DAB1: variants seen among roughly 807,000 people sequenced by gnomAD.
DAB1 encodes disabled homolog 1.
Under a neutral mutation model 64.6 loss-of-function variants are expected in DAB1, and 15 were observed. The observed-to-expected ratio is 0.23, with a 90% confidence interval of 0.16 to 0.36. The LOEUF is 0.36. DAB1 is among the 10% of genes least tolerant of loss of function. The probability of loss-of-function intolerance (pLI) is 1.00; values close to 1 mark genes in which losing one functional copy is unlikely to be tolerated. For missense variants in DAB1, 596 were observed against 706.7 expected (o/e 0.84, Z 1.78); for synonymous variants, 235 against 251.9 (o/e 0.93, Z 0.64).
intron 9 of DAB1, among the ~76,000 whole-genome samples, chr1:57,040,447 T>C (rs1209256544): frequency 6.6e-6 from 1 of 152,170 alleles, no homozygotes; most frequent in Non-Finnish European, 1.5e-5. Context: ...ATATATAATT[T>C]ACACACTCGT....
chr1:57,769,891 C>T (rs1314048790), intron 6 of DAB1, among the ~76,000 whole-genome samples: 2 of 152,072 alleles, frequency 1.3e-5, no homozygotes, highest in South Asian at 2.1e-4. Flanking sequence ...TGAGGCTGAA[C>T]CTTTGCTCCT....
At chr1:57,064,592 G>A (rs1484931435) in intron 8 of DAB1, among the ~76,000 whole-genome samples, 1 of 152,190 alleles carries the variant, frequency 6.6e-6, no homozygotes, top group Non-Finnish European at 1.5e-5. Context: ...AGTAGTTTGT[G>A]TGATTCAACT....
intron 5 of DAB1, among the ~76,000 whole-genome samples, chr1:58,010,423 G>T (rs922040932): frequency 1.3e-5 from 2 of 152,078 alleles, no homozygotes; most frequent in Non-Finnish European, 2.9e-5. Flanking sequence ...TCTTCAAAGC[G>T]CCACACATGC....
intron 6 of DAB1, among the ~76,000 whole-genome samples, chr1:57,790,380 G>A (rs996326474): frequency 6.6e-6 from 1 of 152,096 alleles, no homozygotes. Flanking sequence ...GCTTCCCCTT[G>A]CACCATGACT....
chr1:58,543,903 G>A (rs1226425369), intron 1 of DAB1, among the ~76,000 whole-genome samples: 4 of 152,186 alleles, frequency 2.6e-5, no homozygotes, highest in African/African-American at 9.7e-5. Flanking sequence ...TGTGGCTACT[G>A]AGCATTTGAA....
At chr1:57,610,755 A>G (rs1417449194) in intron 7 of DAB1, among the ~76,000 whole-genome samples, 3 of 152,162 alleles carry the variant, frequency 2.0e-5, no homozygotes, top group Non-Finnish European at 2.9e-5. Context: ...CTCACTCACT[A>G]TCATGAGAAG....
At chr1:57,982,929 T>C (rs953732690) in intron 5 of DAB1, among the ~76,000 whole-genome samples, 19 of 152,302 alleles carry the variant, frequency 1.2e-4, no homozygotes, top group Middle Eastern at 3.4e-3. Flanking sequence ...GAGGTAGGTA[T>C]TGCGGTTCTA....
intron 1 of DAB1, among the ~76,000 whole-genome samples, chr1:57,317,902 C>G (rs371729739): frequency 1.3e-5 from 2 of 152,140 alleles, no homozygotes; most frequent in East Asian, 3.9e-4. Context: ...ATTGTTGATA[C>G]TGAGTGCCAC....
chr1:58,220,866 CATAT>C (rs10563836), intron 4 of DAB1, among the ~76,000 whole-genome samples: 77 of 79,724 alleles, frequency 9.7e-4, no homozygotes, highest in Admixed American at 3.2e-3. Flanking sequence ...CACATATATA[CATAT>C]ATACACACAC....
At chr1:57,878,250 G>A (rs942534280) in intron 1 of DAB1, 8 of 152,106 alleles carry the variant, frequency 5.3e-5, no homozygotes, top group East Asian at 3.8e-4. Context: ...TGCAAGTAAC[G>A]TGGAAACAAA....
chr1:57,841,487 G>A (rs950552349), intron 1 of DAB1, among the ~76,000 whole-genome samples: 1 of 152,118 alleles, frequency 6.6e-6, no homozygotes, highest in Non-Finnish European at 1.5e-5. Context: ...TCTTCATGAG[G>A]GCTCCACCCC....
chr1:57,060,184 T>A (rs540784227), intron 9 of DAB1, among the ~76,000 whole-genome samples: 1 of 140,550 alleles, frequency 7.1e-6, no homozygotes, highest in African/African-American at 2.6e-5. Flanking sequence ...GGAGTTTGGC[T>A]CTGTCACCCA....
At chr1:57,446,990 T>C (rs564559928) in intron 7 of DAB1, among the ~76,000 whole-genome samples, 3 of 152,322 alleles carry the variant, frequency 2.0e-5, no homozygotes, top group African/African-American at 7.2e-5. Flanking sequence ...CATATTTTTA[T>C]CAGTCATATG....
intron 5 of DAB1, among the ~76,000 whole-genome samples, chr1:58,016,011 G>T (rs74680107): frequency 0.054 from 8,149 of 152,176 alleles, 286 homozygotes; most frequent in Non-Finnish European, 0.086. Context: ...AGCCTAGGGG[G>T]GGGTAGTTGA....
intron 3 of DAB1, among the ~76,000 whole-genome samples, chr1:58,485,794 A>C (rs942938275): frequency 6.6e-6 from 1 of 152,170 alleles, no homozygotes; most frequent in South Asian, 2.1e-4. Context: ...AACTCCACGC[A>C]CTGCACATAA....
chr1:57,726,798 G>A (rs1339949975), intron 6 of DAB1, among the ~76,000 whole-genome samples: 1 of 152,134 alleles, frequency 6.6e-6, no homozygotes. Flanking sequence ...TTTGAACCCA[G>A]GCAACCTGGC....
intron 6 of DAB1, among the ~76,000 whole-genome samples, chr1:57,718,763 G>A (rs1443949990): frequency 6.6e-6 from 1 of 152,092 alleles, no homozygotes; most frequent in Admixed American, 6.6e-5. Flanking sequence ...TGCAGTTTTG[G>A]TTTACTCAAA....
chr1:58,078,334 A>C (rs1287652043), intron 5 of DAB1, among the ~76,000 whole-genome samples: 1 of 152,226 alleles, frequency 6.6e-6, no homozygotes, highest in Non-Finnish European at 1.5e-5. Context: ...CCTTGATATC[A>C]CTATACCTGA....
chr1:57,469,843 C>T (rs1440513014), intron 7 of DAB1, among the ~76,000 whole-genome samples: 2 of 152,046 alleles, frequency 1.3e-5, no homozygotes, highest in African/African-American at 4.8e-5. Context: ...ATTTGATTTC[C>T]TTCTTGGAGA....
Sources: gnomAD v4.1 joint callset for allele counts (sites outside exome capture counted in the v4.1 genomes callset) on GRCh38, gnomAD v4.1.1 for gene constraint, MANE v1.5 for transcripts, NCBI Gene and HGNC (gene_info 2026-07-23, HGNC 2026-07-21) for gene names.